The following CALN1 variants were observed in gnomAD, a reference collection of about 807,000 sequenced individuals.
The protein encoded by CALN1 is calneuron 1, also known as calcium-binding protein 8.
CALN1 carries 17 observed loss-of-function variants against 30.6 expected under a neutral mutation model. The observed-to-expected ratio is 0.56, with a 90% confidence interval of 0.38 to 0.83. The LOEUF (loss-of-function observed/expected upper bound fraction) is 0.83, where lower values mean the gene tolerates loss of function less well. CALN1 is among the 40% of genes least tolerant of loss of function. CALN1 has a pLI of 0.00. For synonymous variants in CALN1, 156 were observed against 131.4 expected (o/e 1.19, Z -1.28); for missense variants, 291 against 354.9 (o/e 0.82, Z 1.45).
intron 4 of CALN1, among the ~76,000 whole-genome samples, chr7:72,088,856 C>T (rs1048946325): frequency 6.6e-6 from 1 of 151,932 alleles, no homozygotes; most frequent in Non-Finnish European, 1.5e-5. Context: ...TTAAGATATT[C>T]TCAGATCTGT....
chr7:72,021,875 G>A (rs889704438), intron 5 of CALN1, among the ~76,000 whole-genome samples: 2 of 152,102 alleles, frequency 1.3e-5, no homozygotes, highest in Non-Finnish European at 2.9e-5. Flanking sequence ...GTCCAATTGA[G>A]GATTCAACCC....
chr7:72,188,976 C>T (rs1445348035), intron 3 of CALN1, among the ~76,000 whole-genome samples: 9 of 152,246 alleles, frequency 5.9e-5, no homozygotes, highest in Admixed American at 1.3e-4. Context: ...CTTCCTCCTA[C>T]GAGGACTCTC....
chr7:72,092,273 G>A (rs951332821), intron 4 of CALN1, among the ~76,000 whole-genome samples: 20 of 151,850 alleles, frequency 1.3e-4, no homozygotes, highest in South Asian at 4.1e-4. Flanking sequence ...TTAATTTCTC[G>A]TTTATTGTAT....
chr7:72,404,130 T>C (rs1554401975), intron 1 of CALN1, among the ~76,000 whole-genome samples: 2 of 152,194 alleles, frequency 1.3e-5, no homozygotes, highest in Non-Finnish European at 2.9e-5. Context: ...TCAGCTCAGG[T>C]GTCACCTCTT....
chr7:72,178,001 T>C (rs555904166), intron 3 of CALN1, among the ~76,000 whole-genome samples: 1 of 152,190 alleles, frequency 6.6e-6, no homozygotes, highest in East Asian at 1.9e-4. Context: ...AGAAGCTCAT[T>C]TGGTAGAAGT....
At chr7:72,269,099 G>A (rs1280487338) in intron 3 of CALN1, among the ~76,000 whole-genome samples, 1 of 152,290 alleles carries the variant, frequency 6.6e-6, no homozygotes, top group East Asian at 1.9e-4. Flanking sequence ...CTGCAGGGTA[G>A]GACAGGAGAG....
At chr7:72,332,575 T>A (rs898790309) in intron 2 of CALN1, among the ~76,000 whole-genome samples, 2 of 151,950 alleles carry the variant, frequency 1.3e-5, no homozygotes, top group African/African-American at 4.8e-5. Context: ...TGGTGATCAT[T>A]TACTTCCATA....
At chr7:72,471,547 GGGTT>G in the CALN1 span, among the ~76,000 whole-genome samples, 7 of 152,226 alleles carry the variant, frequency 4.6e-5, no homozygotes, top group Admixed American at 6.5e-5. Context: ...GGTGTCCATG[GGGTT>G]CTTGCTTCTG....
chr7:71,840,670 A>G (rs1270387450), intron 5 of CALN1, among the ~76,000 whole-genome samples: 3 of 152,248 alleles, frequency 2.0e-5, no homozygotes, highest in African/African-American at 7.2e-5. Flanking sequence ...CGCTCAGAGC[A>G]AAACCTCAGT....
chr7:71,804,573 C>T (rs1787495235), intron 6 of CALN1, among the ~76,000 whole-genome samples: 1 of 152,198 alleles, frequency 6.6e-6, no homozygotes, highest in African/African-American at 2.4e-5. Flanking sequence ...ATTTCCAGCA[C>T]TTTGGGAGGC....
At chr7:72,387,355 G>A (rs544319314) in intron 2 of CALN1, among the ~76,000 whole-genome samples, 1 of 149,410 alleles carries the variant, frequency 6.7e-6, no homozygotes, top group Non-Finnish European at 1.5e-5. Flanking sequence ...TAGGTAATCT[G>A]CTCTCATGGA....
chr7:72,208,979 T>TCCC (rs1317939829), intron 3 of CALN1, among the ~76,000 whole-genome samples: 29 of 149,602 alleles, frequency 1.9e-4, no homozygotes, highest in Non-Finnish European at 3.6e-4. Flanking sequence ...TTCCTTCCTT[T>TCCC]TCCTACTTCC....
chr7:72,165,572 G>A (rs1005974005), intron 3 of CALN1, among the ~76,000 whole-genome samples: 2 of 151,590 alleles, frequency 1.3e-5, no homozygotes, highest in African/African-American at 2.4e-5. Context: ...TGGCCAACAG[G>A]GCCAAAAACT....
chr7:72,237,306 G>A (rs903637976), intron 3 of CALN1, among the ~76,000 whole-genome samples: 1 of 152,086 alleles, frequency 6.6e-6, no homozygotes. Context: ...TATTATACCG[G>A]TAAGGGAAGA....
Position 72,403,272 on chromosome 7 carries a change from T to G in CALN1, c.98A>C (p.Gln33Pro). The G allele has an allele frequency of 6.5e-7, 1 of 1,550,156 alleles. No homozygotes were observed. The highest frequency in any genetic ancestry group is 8.7e-7 in the Non-Finnish European group (1 of 1,146,896). The change falls in exon 2 of 7, where the codon CAG (glutamine) becomes CCG (proline). Residue 33 changes from glutamine (Q) to proline (P), a missense_variant. Transcript: ENST00000395275. Reference protein sequence around the residue: ...LGGGEEPPRSQAPDFPTWEKM... With the variant: ...LGGGEEPPRSPAPDFPTWEKM... ...TTGCCAGGTGGGGAAGTCGGGGGCC[T>G]GGCTCCTCGGCGGCTCCTCTCCCCC... is the stretch of plus-strand genomic sequence containing the variant.
chr7:72,020,262 T>C (rs189402047), intron 5 of CALN1, among the ~76,000 whole-genome samples: 12 of 152,208 alleles, frequency 7.9e-5, no homozygotes, highest in Admixed American at 7.2e-4. Context: ...TCTCACTGTG[T>C]TGGGAAAGCA....
intron 5 of CALN1, among the ~76,000 whole-genome samples, chr7:71,950,481 T>C (rs1164448612): frequency 6.6e-6 from 1 of 152,140 alleles, no homozygotes. Flanking sequence ...CCCATTCCTA[T>C]GACCAATCCA....
At chr7:72,162,174 G>A (rs1788161015) in intron 3 of CALN1, among the ~76,000 whole-genome samples, 1 of 151,726 alleles carries the variant, frequency 6.6e-6, no homozygotes, top group African/African-American at 2.4e-5. Flanking sequence ...CTTCTACTTG[G>A]AAACAAAATT....
At chr7:72,390,143 G>A (rs1025443577) in intron 2 of CALN1, among the ~76,000 whole-genome samples, 2 of 151,882 alleles carry the variant, frequency 1.3e-5, no homozygotes, top group Non-Finnish European at 2.9e-5. Context: ...AAATAAGGGG[G>A]ATTGGGGCCG....
Sources: allele counts gnomAD v4.1 joint callset (sites outside exome capture counted in the v4.1 genomes callset), GRCh38; gene constraint gnomAD v4.1.1; transcripts MANE v1.5; gene names NCBI Gene and HGNC (gene_info 2026-07-23, HGNC 2026-07-21).